STK3: variants seen among roughly 807,000 people sequenced by gnomAD.
The protein encoded by STK3 is serine/threonine-protein kinase 3.
STK3 carries 41 observed loss-of-function variants against 58.0 expected under a neutral mutation model. The ratio of observed to expected loss-of-function variants is 0.71; its 90% confidence interval spans 0.55 to 0.92. The LOEUF (loss-of-function observed/expected upper bound fraction) is 0.92. STK3 is among the 40% of genes least tolerant of loss of function. The pLI is 0.00. For synonymous variants in STK3, 170 were observed against 191.0 expected (o/e 0.89, Z 0.91); for missense variants, 479 against 602.7 (o/e 0.79, Z 2.15).
intron 6 of STK3, among the ~76,000 whole-genome samples, chr8:98,644,406 T>G (rs1381014682): frequency 6.6e-6 from 1 of 152,230 alleles, no homozygotes; most frequent in African/African-American, 2.4e-5. Context: ...ATATTTTATC[T>G]GATGCTTTAC....
At chr8:98,623,389 G>A (rs922880169) in intron 6 of STK3, among the ~76,000 whole-genome samples, 1 of 152,098 alleles carries the variant, frequency 6.6e-6, no homozygotes, top group African/African-American at 2.4e-5. Flanking sequence ...CCTTTAAAGA[G>A]GTATTAAGGT....
chr8:98,352,920 A>AT, the STK3 span, among the ~76,000 whole-genome samples: 1 of 152,070 alleles, frequency 6.6e-6, no homozygotes, highest in South Asian at 2.1e-4. Context: ...CTGAACACAT[A>AT]TTTTTTCACT....
At chr8:98,461,153 T>C (rs1441126510) in intron 10 of STK3, among the ~76,000 whole-genome samples, 2 of 152,220 alleles carry the variant, frequency 1.3e-5, no homozygotes, top group African/African-American at 4.8e-5. Flanking sequence ...AATTGTTTTA[T>C]GAATCTCAGA....
At chr8:98,692,451 A>AAC (rs200415762) in intron 6 of STK3, among the ~76,000 whole-genome samples, 4 of 152,090 alleles carry the variant, frequency 2.6e-5, no homozygotes, top group Non-Finnish European at 4.4e-5. Flanking sequence ...GGCTACATAA[A>AAC]ACACACACAC....
chr8:98,510,469 A>G (rs79234963), intron 10 of STK3, among the ~76,000 whole-genome samples: 1 of 145,578 alleles, frequency 6.9e-6, no homozygotes, highest in Admixed American at 7.1e-5. Context: ...GTTTTTTTTT[A>G]AAACTGTAAA....
At chr8:98,381,195 T>A (rs990168925) in intron 1 of STK3, among the ~76,000 whole-genome samples, 1 of 152,212 alleles carries the variant, frequency 6.6e-6, no homozygotes, top group East Asian at 1.9e-4. Flanking sequence ...GGTCTCAAAC[T>A]CCTGACCTCA....
intron 1 of STK3, among the ~76,000 whole-genome samples, chr8:98,819,454 A>C (rs1159849051): frequency 6.6e-6 from 1 of 152,168 alleles, no homozygotes; most frequent in Admixed American, 6.5e-5. Context: ...GGAAGAGCCA[A>C]CTGACTATTC....
chr8:98,362,527 C>T, the STK3 span, among the ~76,000 whole-genome samples: 3 of 152,106 alleles, frequency 2.0e-5, no homozygotes, highest in Non-Finnish European at 2.9e-5. Context: ...GGGTGATGGG[C>T]GATACTGTGG....
In STK3 at chr8:98,934,917, AAAAATAAAAT is replaced by A. The variant is rs554783265; in HGVS notation, c.-79+7451_-79+7460del. 9.3e-5 allele frequency among the ~76,000 whole-genome samples: 14 copies of A among 149,946 alleles called. 1 individual carries two copies. The highest frequency in any genetic ancestry group is 8.6e-4 in the South Asian group (4 of 4,644). ...GGGCAACAGAGCGAGACGCCGTCTC[AAAAATAAAAT>A]AAAATAAAATAAAATAAAATAACAT... On this transcript the variant is annotated intron_variant, in intron 1 of 1. Coordinates refer to the STK3 transcript ENST00000519420.
intron 8 of STK3, among the ~76,000 whole-genome samples, chr8:98,560,407 C>T (rs1265653780): frequency 1.3e-5 from 2 of 151,850 alleles, no homozygotes; most frequent in African/African-American, 2.4e-5. Flanking sequence ...CAATTGCTTT[C>T]TTACATACCA....
At chr8:98,704,400 C>T (rs1015756827) in intron 6 of STK3, among the ~76,000 whole-genome samples, 2 of 151,848 alleles carry the variant, frequency 1.3e-5, no homozygotes, top group Admixed American at 6.6e-5. Flanking sequence ...TGGAAATGCA[C>T]GAGGCAACAC....
At chr8:98,390,730 T>C (rs1231799154), upstream of STK3, among the ~76,000 whole-genome samples, 3 of 152,168 alleles carry the variant, frequency 2.0e-5, no homozygotes, top group Non-Finnish European at 4.4e-5. Flanking sequence ...GTATTCACTA[T>C]GGGTTTTTTC....
intron 6 of STK3, among the ~76,000 whole-genome samples, chr8:98,653,875 A>C (rs1384717444): frequency 6.6e-6 from 1 of 151,976 alleles, no homozygotes; most frequent in Non-Finnish European, 1.5e-5. Context: ...CAGGACCAGA[A>C]GGATTCACAG....
At chr8:98,480,871 T>C (rs1277974644) in intron 10 of STK3, among the ~76,000 whole-genome samples, 3 of 152,220 alleles carry the variant, frequency 2.0e-5, no homozygotes, top group East Asian at 1.9e-4. Context: ...GACATATACA[T>C]ACACACAAAG....
At chr8:98,900,139 C>T (rs1055945929) in intron 1 of STK3, among the ~76,000 whole-genome samples, 1 of 152,076 alleles carries the variant, frequency 6.6e-6, no homozygotes, top group Non-Finnish European at 1.5e-5. Flanking sequence ...TGCAGTGGTG[C>T]GATCTTGGCT....
chr8:98,598,084 C>T (rs1376217659), intron 6 of STK3: 14 of 985,134 alleles, frequency 1.4e-5, no homozygotes, highest in African/African-American at 1.7e-5. Context: ...TACATAAGCC[C>T]CTATATAGAC....
At chr8:98,429,612 G>A in intron 3 of STK3, 1 of 548,178 alleles carries the variant, frequency 1.8e-6, no homozygotes, top group Non-Finnish European at 3.3e-6. Flanking sequence ...CCATGCCTTT[G>A]CACCTTTCCA....
intron 3 of STK3, among the ~76,000 whole-genome samples, chr8:98,839,870 A>G (rs971708429): frequency 6.6e-6 from 1 of 151,950 alleles, no homozygotes; most frequent in African/African-American, 2.4e-5. Flanking sequence ...ACTCAAAAGT[A>G]AAAAAAATAG....
At chr8:98,574,088 A>T (rs986105592) in intron 8 of STK3, among the ~76,000 whole-genome samples, 1 of 152,102 alleles carries the variant, frequency 6.6e-6, no homozygotes, top group African/African-American at 2.4e-5. Flanking sequence ...ATTAAAGATG[A>T]AATTTGGGTA....
Sources: gnomAD v4.1 joint callset for allele counts (sites outside exome capture counted in the v4.1 genomes callset) on GRCh38, gnomAD v4.1.1 for gene constraint, MANE v1.5 for transcripts, NCBI Gene and HGNC (gene_info 2026-07-23, HGNC 2026-07-21) for gene names.